The following SORCS2 variants were observed in gnomAD, a reference collection of about 807,000 sequenced individuals.
SORCS2 encodes the protein VPS10 domain-containing receptor SorCS2.
SORCS2 carries 100 observed loss-of-function variants against 141.6 expected under a neutral mutation model. That is an observed-to-expected ratio of 0.71 (90% CI 0.60 to 0.83). The LOEUF is 0.83. Among genes scored for constraint, SORCS2 ranks in the 40% least tolerant of loss-of-function variants. The pLI, the probability that SORCS2 is intolerant of heterozygous loss-of-function variation, is 0.00. For synonymous variants in SORCS2, 789 were observed against 676.9 expected (o/e 1.17, Z -2.57); for missense variants, 1,646 against 1,560.2 (o/e 1.05, Z -0.93).
At chr4:7,434,553 C>G in intron 2 of SORCS2, 1 of 1,613,536 alleles carries the variant, frequency 6.2e-7, no homozygotes. Flanking sequence ...CATCCACCAT[C>G]CACTTGCATC....
At chr4:7,289,468 A>G (rs1404102999) in intron 1 of SORCS2, among the ~76,000 whole-genome samples, 1 of 152,186 alleles carries the variant, frequency 6.6e-6, no homozygotes, top group Non-Finnish European at 1.5e-5. Context: ...GTGGGTGCTC[A>G]GTCAATATCT....
intron 2 of SORCS2, among the ~76,000 whole-genome samples, chr4:7,470,194 C>CTCCCATCCA (rs2109343372): frequency 6.7e-6 from 1 of 149,048 alleles, no homozygotes; most frequent in East Asian, 2.0e-4. Flanking sequence ...CCTCCCATCC[C>CTCCCATCCA]TCCCATCCAT....
rs143196616 is a variant in SORCS2, at chr4:7,297,879, G to T, written c.481-98409G>T. On this transcript the variant is annotated intron_variant, in intron 1 of 26. Transcript: ENST00000507866. ...CCGTCCAGAGGGCCCAGCCCTGTCT[G>T]TCCTCTGGCTGTGACTCTCTGCAAG... Among the ~76,000 whole-genome samples, 367 of 152,342 alleles carry T rather than the reference G, an allele frequency of 2.4e-3. 2 individuals carry two copies. The highest frequency in any genetic ancestry group is 8.4e-3 in the African/African-American group (351 of 41,588).
At chr4:7,202,691 C>T (rs751893367) in intron 1 of SORCS2, among the ~76,000 whole-genome samples, 1 of 152,128 alleles carries the variant, frequency 6.6e-6, no homozygotes, top group African/African-American at 2.4e-5. Flanking sequence ...CGCTTCCATT[C>T]AGATCAATTT....
At chr4:7,634,513 C>T (rs34846328) in intron 3 of SORCS2, among the ~76,000 whole-genome samples, 41,324 of 152,090 alleles carry the variant, frequency 0.27, 7,129 homozygotes, top group East Asian at 0.75. Flanking sequence ...CCAATTACAA[C>T]TAAAGTATAA....
chr4:7,628,595 G>A (rs1719676629), intron 3 of SORCS2, among the ~76,000 whole-genome samples: 1 of 152,048 alleles, frequency 6.6e-6, no homozygotes, highest in South Asian at 2.1e-4. Context: ...CTCGTGGCCT[G>A]AGCACCGACT....
chr4:7,513,227 G>T (rs549694805), intron 2 of SORCS2, among the ~76,000 whole-genome samples: 15 of 152,304 alleles, frequency 9.8e-5, no homozygotes, highest in Middle Eastern at 3.4e-3. Context: ...AGAAAATACC[G>T]TGCGCTACAG....
intron 12 of SORCS2, among the ~76,000 whole-genome samples, chr4:7,701,079 C>T (rs1725046196): frequency 6.6e-6 from 1 of 152,188 alleles, no homozygotes; most frequent in Non-Finnish European, 1.5e-5. Context: ...GCAGCAGCAC[C>T]CCCACCAGGG....
rs561218490 is a variant in SORCS2, at chr4:7,257,268, C to A, written c.480+64142C>A. Among the ~76,000 whole-genome samples the A allele has an allele frequency of 5.7e-3, 860 of 151,532 alleles. 11 individuals carry two copies. Among genetic ancestry groups the A allele is most frequent in the African/African-American group, 0.02 (812 of 41,300 alleles). ...GGTGAGGTGAGGCTCGTGTGCCTGG[C>A]GCCAGGAGTGCCCACCAAGAACCTT... On this transcript the variant is annotated intron_variant, in intron 1 of 26. Coordinates refer to ENST00000507866, the MANE Select transcript of SORCS2 (RefSeq NM_020777.3).
intron 2 of SORCS2, chr4:7,435,011 C>T (rs1727203154): frequency 9.6e-6 from 11 of 1,148,096 alleles, no homozygotes; most frequent in South Asian, 6.6e-5. Flanking sequence ...GCCTGACTCA[C>T]ACCCTGTGCC....
chr4:7,414,774 A>C (rs960058829), intron 2 of SORCS2, among the ~76,000 whole-genome samples: 5 of 152,232 alleles, frequency 3.3e-5, no homozygotes, highest in African/African-American at 1.2e-4. Context: ...TATAGGGTCT[A>C]TGCTGGACAC....
chr4:7,560,252 CTT>C (rs768553334), intron 3 of SORCS2, among the ~76,000 whole-genome samples: 1 of 152,136 alleles, frequency 6.6e-6, no homozygotes, highest in Non-Finnish European at 1.5e-5. Flanking sequence ...ATTTGACAGT[CTT>C]TATTAACTCA....
At chr4:7,690,188 T>C (rs1246660076) in intron 11 of SORCS2, among the ~76,000 whole-genome samples, 1 of 149,502 alleles carries the variant, frequency 6.7e-6, no homozygotes, top group African/African-American at 2.5e-5. Flanking sequence ...GACGAGTAGA[T>C]GGATGGATGA....
At chr4:7,456,534 C>T (rs537403053) in intron 2 of SORCS2, among the ~76,000 whole-genome samples, 4 of 152,084 alleles carry the variant, frequency 2.6e-5, no homozygotes, top group Admixed American at 6.5e-5. Context: ...GCACTGTTGT[C>T]CCTCCCCACC....
chr4:7,247,804 C>T (rs774469874), intron 1 of SORCS2, among the ~76,000 whole-genome samples: 4 of 152,204 alleles, frequency 2.6e-5, no homozygotes, highest in African/African-American at 7.2e-5. Flanking sequence ...CTGGGGAAGC[C>T]GCCTTGGAGG....
intron 2 of SORCS2, among the ~76,000 whole-genome samples, chr4:7,462,220 C>T (rs4689753): frequency 0.18 from 27,837 of 152,166 alleles, 2,657 homozygotes; most frequent in African/African-American, 0.22. Context: ...CGGTGCTTCA[C>T]GCAGGGACAG....
In SORCS2 at chr4:7,663,894, C is replaced by T. The variant is rs962704279; in HGVS notation, c.953-459C>T. Among the ~76,000 whole-genome samples, 47 of 152,182 alleles carry T rather than the reference C, an allele frequency of 3.1e-4. No individual in the cohort carries two copies. The highest frequency in any genetic ancestry group is 9.2e-4 in the African/African-American group (38 of 41,430). On this transcript the variant is annotated intron_variant, in intron 6 of 26. Transcript: ENST00000507866. The surrounding 1 kb of genome is among the most constrained non-coding windows in gnomAD (Gnocchi z 4.8). ...AGAAGAACTTCAAATTAGCAGCTCCCTGACAAAGCATGCATTCAGTATTGC... is the reference window on the plus strand; with the variant it reads ...AGAAGAACTTCAAATTAGCAGCTCCTTGACAAAGCATGCATTCAGTATTGC...
chr4:7,329,120 G>A (rs1470671137), intron 1 of SORCS2, among the ~76,000 whole-genome samples: 4 of 152,186 alleles, frequency 2.6e-5, no homozygotes, highest in African/African-American at 9.7e-5. Context: ...GAATCCACAG[G>A]CATTCTCCAA....
At chr4:7,352,449 A>G (rs1720997559) in intron 1 of SORCS2, among the ~76,000 whole-genome samples, 1 of 152,190 alleles carries the variant, frequency 6.6e-6, no homozygotes, top group Non-Finnish European at 1.5e-5. Flanking sequence ...CCTGGATGCC[A>G]TTTTGGAGCT....
Sources: gnomAD v4.1 joint callset for allele counts (sites outside exome capture counted in the v4.1 genomes callset) on GRCh38, gnomAD v4.1.1 for gene constraint, Gnocchi (gnomAD v3.1) non-coding constraint, MANE v1.5 for transcripts, NCBI Gene and HGNC (gene_info 2026-07-23, HGNC 2026-07-21) for gene names.